PRKD2: variants seen among roughly 807,000 people sequenced by gnomAD.
PRKD2 encodes protein kinase D2.
Under a neutral mutation model 86.0 loss-of-function variants are expected in PRKD2, and 22 were observed. The ratio of observed to expected loss-of-function variants is 0.26; its 90% CI spans 0.18 to 0.37. The LOEUF is 0.37. Among genes scored for constraint, PRKD2 ranks in the 10% least tolerant of loss-of-function variants. The pLI, the probability that PRKD2 is intolerant of heterozygous loss-of-function variation, is 1.00. For synonymous variants in PRKD2, 509 were observed against 510.9 expected, an observed-to-expected ratio of 1.00 and a Z score of 0.05; for missense variants, 818 against 1,199.2, an observed-to-expected ratio of 0.68 and a Z score of 4.70.
intron 14 of PRKD2, among the ~76,000 whole-genome samples, chr19:46,682,069 C>T (rs111877586): frequency 0.033 from 4,871 of 148,832 alleles, 251 homozygotes; most frequent in African/African-American, 0.11. Context: ...TGCAGTGGCA[C>T]GATCTCGGCT....
intron 14 of PRKD2, among the ~76,000 whole-genome samples, chr19:46,686,748 G>C (rs770387275): frequency 1.3e-4 from 20 of 151,618 alleles, no homozygotes; most frequent in Non-Finnish European, 2.7e-4. Context: ...TCAGGAGATC[G>C]AGACCATCCT....
chr19:46,700,695 T>G, intron 7 of PRKD2, 104 bp downstream of exon 7: 1 of 1,415,232 alleles, frequency 7.1e-7, no homozygotes, highest in Non-Finnish European at 9.5e-7. Flanking sequence ...CTGGGAAAAT[T>G]TATAAATATG....
chr19:46,686,123 A>C (rs550984320), intron 14 of PRKD2: 6 of 152,260 alleles, frequency 3.9e-5, no homozygotes, highest in South Asian at 2.1e-4. Flanking sequence ...TCTCAGAAGA[A>C]GGCAAGGCAC....
chr19:46,680,332 G>A (rs1042017973), intron 15 of PRKD2, among the ~76,000 whole-genome samples: 7 of 151,946 alleles, frequency 4.6e-5, no homozygotes, highest in Admixed American at 2.6e-4. Flanking sequence ...CTGTCGTCCA[G>A]GCTGGAGTGC....
rs10528388 is a variant in PRKD2, at chr19:46,703,958, A to AACACACACACACACACACACACACAC, written c.889+185_889+210dup. Reference sequence around the variant, plus strand: ...CACCCTGTCTCCAAAAAACAACAACAACACACACACACACACACACACACA... The same window carrying AACACACACACACACACACACACACAC: ...CACCCTGTCTCCAAAAAACAACAACAACACACACACACACACACACACACACACACACACACACACACACACACACA... On this transcript the variant is annotated intron_variant, in intron 5 of 17. Coordinates refer to ENST00000291281, the MANE Select transcript of PRKD2 (RefSeq NM_016457.5). 1.6e-3 allele frequency among the ~76,000 whole-genome samples: 213 copies of AACACACACACACACACACACACACAC among 133,728 alleles called. 3 individuals carry two copies. The highest frequency in any genetic ancestry group is 7.8e-3 in the Middle Eastern group (2 of 256). The allele number at this position is 133,728 out of a possible 152,430, so 87.7% of individuals were successfully genotyped here.
intron 7 of PRKD2, 38 bp from the exon 8 acceptor site, chr19:46,697,888 G>A (rs1474030218): frequency 6.6e-7 from 1 of 1,508,552 alleles, no homozygotes. Flanking sequence ...GTCACATGCA[G>A]AAAGTGACCA....
Position 46,704,537 on chromosome 19 carries a change from G to A in PRKD2, c.624C>T (p.Arg208=). ...AGGGCAGGGACTCGGAGGTGCCGAG[G>A]CGCACCGAGTGGCCACTGGCCAGAG... ...STSLASGHSV[R]LGTSESLPCT... Residue 208 remains arginine, a synonymous_variant, in exon 4 of 18, where the codon CGC becomes CGT. Coordinates refer to ENST00000291281, the MANE Select transcript of PRKD2 (RefSeq NM_016457.5). The A allele has an allele frequency of 2.5e-6, 4 of 1,614,150 alleles. No individual in the cohort carries two copies. Among genetic ancestry groups the A allele is most frequent in the Non-Finnish European group, 3.4e-6 (4 of 1,180,008 alleles).
intron 2 of PRKD2, among the ~76,000 whole-genome samples, chr19:46,713,175 C>T (rs113658298): frequency 0.03 from 4,391 of 148,506 alleles, 202 homozygotes; most frequent in African/African-American, 0.091. Context: ...TGTGCCACCT[C>T]GCCCGGTTAA....
intron 3 of PRKD2, 36 bp downstream of exon 3, chr19:46,710,871 C>A: frequency 1.3e-6 from 2 of 1,517,692 alleles, no homozygotes; most frequent in East Asian, 2.4e-5. Context: ...TGCAGAGCCC[C>A]GCCCCAGGCC....
At chr19:46,692,014 G>A (rs773121160) in intron 10 of PRKD2, 29 bp from the exon 11 acceptor site, 16 of 1,604,794 alleles carry the variant, frequency 1.0e-5, no homozygotes, top group Non-Finnish European at 1.4e-5. Flanking sequence ...CAGAGGTGAG[G>A]GGACTCCAGG....
rs1263515553 is a variant in PRKD2, at chr19:46,713,907, G to C, written c.335C>G (p.Ser112Cys). The change falls in exon 2 of 18, where the codon TCC (serine) becomes TGC (cysteine). Residue 112 changes from serine to cysteine, a missense_variant. This residue lies in a region of PRKD2 where 403 missense variants were observed against 518.6 expected (regional missense o/e 0.78). Transcript: ENST00000291281. ...CAGGTCGCCCTCCTGGATGTCTCCGGACGAGCGCACCAGCTGCAGGAGGTT... is the reference window on the plus strand; with the variant it reads ...CAGGTCGCCCTCCTGGATGTCTCCGCACGAGCGCACCAGCTGCAGGAGGTT... ...SANLLQLVRS[S>C]GDIQEGDLVE... The C allele has an allele frequency of 1.2e-6, 2 of 1,612,936 alleles. No individual in the cohort carries two copies. The highest frequency in any genetic ancestry group is 1.7e-6 in the Non-Finnish European group (2 of 1,179,662).
chr19:46,684,620 G>A (rs889645052), intron 14 of PRKD2, among the ~76,000 whole-genome samples: 11 of 152,130 alleles, frequency 7.2e-5, no homozygotes, highest in African/African-American at 1.9e-4. Flanking sequence ...ACCTCGCCCC[G>A]CCCATTTCCA....
intron 15 of PRKD2, among the ~76,000 whole-genome samples, chr19:46,680,946 A>ATATATATATATATATATATATATTT: frequency 2.3e-4 from 11 of 48,214 alleles, no homozygotes; most frequent in Admixed American, 3.1e-4. Context: ...ATATATATAT[A>ATATATATATATATATATATATATTT]TTTTTTTTTT....
intron 3 of PRKD2, among the ~76,000 whole-genome samples, chr19:46,705,144 C>G (rs574269477): frequency 6.6e-6 from 1 of 151,814 alleles, no homozygotes; most frequent in African/African-American, 2.4e-5. Context: ...GCCCTGAACG[C>G]GCCTCACACC....
intron 3 of PRKD2, 112 bp downstream of exon 3, chr19:46,710,795 A>C: frequency 1.7e-6 from 2 of 1,193,468 alleles, no homozygotes; most frequent in South Asian, 1.6e-5. Flanking sequence ...CTGCGCCCCC[A>C]GCTCTGAGAC....
At chr19:46,690,117 G>A (rs1168991036) in intron 13 of PRKD2, among the ~76,000 whole-genome samples, 1 of 152,060 alleles carries the variant, frequency 6.6e-6, no homozygotes, top group African/African-American at 2.4e-5. Flanking sequence ...TGGAGAAATG[G>A]GGAGAGCTCT....
chr19:46,702,081 G>T (rs188601102), intron 5 of PRKD2, among the ~76,000 whole-genome samples: 1 of 140,800 alleles, frequency 7.1e-6, no homozygotes, highest in Non-Finnish European at 1.5e-5. Flanking sequence ...CTGTCACCCA[G>T]ACTAGAGTGT....
At chr19:46,698,482 C>T (rs933466677) in intron 7 of PRKD2, among the ~76,000 whole-genome samples, 1 of 152,204 alleles carries the variant, frequency 6.6e-6, no homozygotes, top group Non-Finnish European at 1.5e-5. Context: ...GAATGGAAAC[C>T]TTTCTACGGA....
rs751872852 is a variant in PRKD2 at position 46,694,056 on chromosome 19, G to A, written c.1395C>T (p.His465=). 7 of 1,614,190 alleles carry A rather than the reference G, an allele frequency of 4.3e-6. No homozygotes were observed. In the Admixed American group the frequency reaches 1.0e-4, roughly 23 times the overall value. The change falls in exon 10 of 18, where the codon CAC becomes CAT. Residue 465 remains histidine, a synonymous_variant. Coordinates refer to ENST00000291281, the MANE Select transcript of PRKD2 (RefSeq NM_016457.5). ...CATTGGCAGTGACGATCTCAAAGCAGTGTGGGTTGGTGCCCGGCGGCACAA... is the reference window on the plus strand; with the variant it reads ...CATTGGCAGTGACGATCTCAAAGCAATGTGGGTTGGTGCCCGGCGGCACAA... The part of the protein sequence containing the change: ...FSLVPPGTNP[H]CFEIVTANAT...
Sources: allele counts gnomAD v4.1 joint callset (sites outside exome capture counted in the v4.1 genomes callset), GRCh38; gene constraint gnomAD v4.1.1; regional missense constraint gnomAD v4.1.1; transcripts MANE v1.5; gene names NCBI Gene and HGNC (gene_info 2026-07-23, HGNC 2026-07-21).